RYR3: variants seen among roughly 807,000 people sequenced by gnomAD.
RYR3 encodes ryanodine receptor 3.
RYR3 carries 207 observed loss-of-function variants against 584.3 expected under a neutral mutation model. The ratio of observed to expected loss-of-function variants is 0.35; its 90% CI spans 0.32 to 0.40. The LOEUF (loss-of-function observed/expected upper bound fraction) is 0.40. Ranked by LOEUF, RYR3 falls within the 10% of genes least tolerant of loss-of-function variation. The pLI, the probability that RYR3 is intolerant of heterozygous loss-of-function variation, is 1.00. For synonymous variants in RYR3, 2,416 were observed against 2,248.5 expected (o/e 1.07, Z -2.11); for missense variants, 5,616 against 6,089.2 (o/e 0.92, Z 2.59).
chr15:33,534,837 T>G (rs1426098885), intron 5 of RYR3, among the ~76,000 whole-genome samples: 2 of 152,162 alleles, frequency 1.3e-5, no homozygotes, highest in Non-Finnish European at 2.9e-5. Flanking sequence ...TGGCTAAAAA[T>G]ATTCATGAAC....
At chr15:33,370,666 G>T (rs1200928434) in intron 1 of RYR3, among the ~76,000 whole-genome samples, 3 of 152,200 alleles carry the variant, frequency 2.0e-5, no homozygotes, top group Non-Finnish European at 4.4e-5. Context: ...GATGTTGGCA[G>T]CTTTGGTGCA....
intron 1 of RYR3, among the ~76,000 whole-genome samples, chr15:33,351,412 G>T (rs1318662231): frequency 6.6e-6 from 1 of 152,100 alleles, no homozygotes; most frequent in East Asian, 1.9e-4. Context: ...CATTTTATGA[G>T]GCCAGCATCA....
intron 60 of RYR3, among the ~76,000 whole-genome samples, chr15:33,765,916 T>A (rs1337462230): frequency 6.6e-6 from 1 of 152,162 alleles, no homozygotes; most frequent in Non-Finnish European, 1.5e-5. Context: ...ATTTTCCAGA[T>A]GAAGAAATTG....
intron 99 of RYR3, chr15:33,858,556 T>C (rs1567346461): frequency 5.1e-5 from 2 of 39,562 alleles, no homozygotes; most frequent in Non-Finnish European, 2.7e-4. Flanking sequence ...TTCATGGAAG[T>C]TGAGCTTTGA....
chr15:33,700,291 G>A (rs150747695), intron 41 of RYR3, among the ~76,000 whole-genome samples: 8 of 152,292 alleles, frequency 5.3e-5, no homozygotes, highest in African/African-American at 1.9e-4. Context: ...TTTCCTTAGC[G>A]GGGAGGCAGA....
intron 1 of RYR3, among the ~76,000 whole-genome samples, chr15:33,456,306 A>G (rs2047551935): frequency 6.6e-6 from 1 of 152,224 alleles, no homozygotes; most frequent in Non-Finnish European, 1.5e-5. Context: ...TTGATCGCGC[A>G]GAATGCCAAG....
chr15:33,859,172 GGGGA>G, intron 99 of RYR3: 1 of 167,132 alleles, frequency 6.0e-6, no homozygotes, highest in Non-Finnish European at 1.3e-5. Flanking sequence ...CCAGGTGTAA[GGGGA>G]ATGTGGATGA....
chr15:33,726,458 C>G lies in RYR3; in HGVS notation c.6985C>G (p.Leu2329Val). The G allele has an allele frequency of 2.5e-6, 4 of 1,608,662 alleles. No homozygotes were observed. Among genetic ancestry groups the G allele is most frequent in the Non-Finnish European group, 3.4e-6 (4 of 1,177,434 alleles). Residue 2329 changes from leucine to valine, a missense_variant, in exon 46 of 104, where the codon CTG becomes GTG. Leu to Val is a conservative substitution (Grantham distance 32). This residue lies in a region of RYR3 where 1,280 missense variants were observed against 1,426.2 expected (regional missense o/e 0.90). Transcript: ENST00000634891. Reference protein sequence around the residue: ...ILRSLVPTEDLVGIISIPLKL... With the variant: ...ILRSLVPTEDVVGIISIPLKL... ...GCGCTCCCTGGTCCCCACAGAAGACCTGGTTGGGATCATCAGCATCCCCTT... is the reference window on the plus strand; with the variant it reads ...GCGCTCCCTGGTCCCCACAGAAGACGTGGTTGGGATCATCAGCATCCCCTT...
At chr15:33,436,090 C>T (rs911706914) in intron 1 of RYR3, among the ~76,000 whole-genome samples, 12 of 152,214 alleles carry the variant, frequency 7.9e-5, no homozygotes, top group African/African-American at 2.9e-4. Context: ...AAGTCCCCAT[C>T]AACCCAGAAG....
chr15:33,640,238 T>TC (rs1389883022), intron 27 of RYR3, among the ~76,000 whole-genome samples: 2 of 152,170 alleles, frequency 1.3e-5, no homozygotes, highest in Non-Finnish European at 1.5e-5. Context: ...GTACCCAGGG[T>TC]CCCCTGTCAT....
intron 43 of RYR3, among the ~76,000 whole-genome samples, chr15:33,714,779 A>T (rs893131531): frequency 6.6e-6 from 1 of 152,206 alleles, no homozygotes; most frequent in Non-Finnish European, 1.5e-5. Flanking sequence ...CCATCATGTG[A>T]CATGTGAAGA....
intron 96 of RYR3, 84 bp from the exon 97 acceptor site, chr15:33,854,305 G>A: frequency 2.6e-6 from 3 of 1,152,652 alleles, no homozygotes; most frequent in East Asian, 2.6e-5. Flanking sequence ...AAACCTGAGA[G>A]AAAAAACTTA....
At chr15:33,666,070 T>A (rs991407944) in intron 36 of RYR3, among the ~76,000 whole-genome samples, 13 of 152,202 alleles carry the variant, frequency 8.5e-5, no homozygotes, top group Admixed American at 5.2e-4. Context: ...AGTGGCATGG[T>A]ATCAGCTTAC....
chr15:33,816,909 T>A lies in RYR3; in HGVS notation c.10550T>A (p.Ile3517Lys). 1 of 1,612,684 alleles carries A rather than the reference T, an allele frequency of 6.2e-7. No homozygotes were observed. Among genetic ancestry groups the A allele is most frequent in the Non-Finnish European group, 8.5e-7 (1 of 1,179,196 alleles). Residue 3517 changes from isoleucine to lysine, a missense_variant, in exon 75 of 104, where the codon ATA becomes AAA. This residue lies in a region of RYR3 where 954 missense variants were observed against 1,132.2 expected (regional missense o/e 0.84). Coordinates refer to ENST00000634891, the MANE Select transcript of RYR3 (RefSeq NM_001036.6). ...LFLHGYQRFW[I>K]ETEEYSFEEK... ...CTCCATGGCTATCAGAGATTTTGGA[T>A]AGAAACAGAGGAGTATTCCTTTGAA...
At chr15:33,492,722 G>A (rs1337660091) in intron 2 of RYR3, among the ~76,000 whole-genome samples, 1 of 152,122 alleles carries the variant, frequency 6.6e-6, no homozygotes, top group Non-Finnish European at 1.5e-5. Flanking sequence ...GATAAATGAT[G>A]CTGATGCCGA....
intron 93 of RYR3, among the ~76,000 whole-genome samples, chr15:33,845,596 T>C (rs1043013571): frequency 1.3e-5 from 2 of 152,146 alleles, no homozygotes; most frequent in African/African-American, 4.8e-5. Flanking sequence ...GCATGATCAC[T>C]GGGCAATCTG....
At chr15:33,531,648 T>TA (rs1555514254) in intron 4 of RYR3, among the ~76,000 whole-genome samples, 2,126 of 41,386 alleles carry the variant, frequency 0.051, 28 homozygotes, top group Middle Eastern at 0.19. Context: ...TATATATATA[T>TA]TTTTTTTTCT....
In RYR3 at chr15:33,732,921, CTT is replaced by C. The variant is rs557608311; in HGVS notation, c.7424+1230_7424+1231del. Among the ~76,000 whole-genome samples, 715 of 152,258 alleles carry C rather than the reference CTT, an allele frequency of 4.7e-3. 10 individuals carry two copies. Among genetic ancestry groups the C allele is most frequent in the African/African-American group, 0.017 (694 of 41,544 alleles). ...GTCTTGATTTCTTGTTGAATGAGTT[CTT>C]TTCTAATCACAGATGAAATTACTAT... On this transcript the variant is annotated intron_variant, in intron 48 of 103. Coordinates refer to ENST00000634891, the MANE Select transcript of RYR3 (RefSeq NM_001036.6).
chr15:33,733,465 A>C (rs533390616), intron 48 of RYR3, among the ~76,000 whole-genome samples: 4 of 152,294 alleles, frequency 2.6e-5, no homozygotes, highest in South Asian at 4.1e-4. Context: ...GGAACCTTAA[A>C]CCCATATTAC....
Sources: gnomAD v4.1 joint callset for allele counts (sites outside exome capture counted in the v4.1 genomes callset) on GRCh38, gnomAD v4.1.1 for gene constraint, gnomAD v4.1.1 regional missense constraint, MANE v1.5 for transcripts, NCBI Gene and HGNC (gene_info 2026-07-23, HGNC 2026-07-21) for gene names.